ST6GALNAC3: variants seen among roughly 807,000 people sequenced by gnomAD.
The protein encoded by ST6GALNAC3 is alpha-N-acetylgalactosaminide alpha-2,6-sialyltransferase 3.
ST6GALNAC3 carries 25 observed loss-of-function variants against 32.7 expected under a neutral mutation model. That is an observed-to-expected ratio of 0.76 (90% CI 0.56 to 1.07). The LOEUF is 1.07. Ranked by LOEUF, ST6GALNAC3 falls within the 50% of genes least tolerant of loss-of-function variation. The probability of loss-of-function intolerance (pLI) is 0.00; values close to 1 mark genes in which losing one functional copy is unlikely to be tolerated. For missense variants in ST6GALNAC3, 355 were observed against 382.4 expected (o/e 0.93, Z 0.60); for synonymous variants, 129 against 133.1 (o/e 0.97, Z 0.21).
intron 3 of ST6GALNAC3, among the ~76,000 whole-genome samples, chr1:76,547,290 G>A (rs774779111): frequency 9.2e-5 from 14 of 152,142 alleles, no homozygotes; most frequent in African/African-American, 3.4e-4. Flanking sequence ...TTAGCGCCCC[G>A]TGAGGACAGG....
Position 76,462,466 on chromosome 1 carries a change from A to G in ST6GALNAC3, c.623+50049A>G, listed in dbSNP as rs560936146. On this transcript the variant is annotated intron_variant, in intron 3 of 4. Coordinates refer to ENST00000328299, the MANE Select transcript of ST6GALNAC3 (RefSeq NM_152996.4). ...GATCCAAGCCACATACAGCCTTTTAAAAGTGTGAGATCTTACCCATTAGTA... is the reference window on the plus strand; with the variant it reads ...GATCCAAGCCACATACAGCCTTTTAGAAGTGTGAGATCTTACCCATTAGTA... Among the ~76,000 whole-genome samples, 35 of 152,178 alleles carry G rather than the reference A, an allele frequency of 2.3e-4. No individual in the cohort carries two copies. In the South Asian group the frequency reaches 2.9e-3, roughly 13 times the overall value.
intron 2 of ST6GALNAC3, among the ~76,000 whole-genome samples, chr1:76,361,507 G>A (rs1340441492): frequency 2.0e-5 from 3 of 151,998 alleles, no homozygotes; most frequent in Non-Finnish European, 4.4e-5. Context: ...TCCACTTCTT[G>A]ACTATTGTGA....
intron 3 of ST6GALNAC3, among the ~76,000 whole-genome samples, chr1:76,449,122 G>T (rs1657201085): frequency 6.6e-6 from 1 of 152,172 alleles, no homozygotes; most frequent in South Asian, 2.1e-4. Flanking sequence ...CACCTGGCAG[G>T]TATGTCTTTA....
At chr1:76,325,887 T>G (rs984007247) in intron 2 of ST6GALNAC3, among the ~76,000 whole-genome samples, 2 of 151,908 alleles carry the variant, frequency 1.3e-5, no homozygotes, top group Non-Finnish European at 2.9e-5. Context: ...AATTGTTGCT[T>G]GTAGTATTAG....
At chr1:76,582,762 A>T (rs1404906013) in intron 3 of ST6GALNAC3, among the ~76,000 whole-genome samples, 2 of 152,128 alleles carry the variant, frequency 1.3e-5, no homozygotes, top group African/African-American at 2.4e-5. Context: ...GGAACACAGC[A>T]AGTCAGCTTT....
chr1:76,488,735 T>A (rs1000409780), intron 3 of ST6GALNAC3, among the ~76,000 whole-genome samples: 6 of 152,206 alleles, frequency 3.9e-5, no homozygotes, highest in Non-Finnish European at 5.9e-5. Flanking sequence ...GGAACCTGGC[T>A]TCCACTCCCA....
intron 1 of ST6GALNAC3, among the ~76,000 whole-genome samples, chr1:76,215,804 C>T (rs966909979): frequency 6.6e-6 from 1 of 152,152 alleles, no homozygotes; most frequent in African/African-American, 2.4e-5. Context: ...GGGTTCAGTT[C>T]TTCTCTCTGG....
chr1:76,362,448 C>T (rs1050350511), intron 2 of ST6GALNAC3, among the ~76,000 whole-genome samples: 16 of 152,152 alleles, frequency 1.1e-4, no homozygotes, highest in African/African-American at 3.9e-4. Flanking sequence ...AAAAATACAA[C>T]CATCCTGTCT....
At chr1:76,523,287 ATTT>A (rs113136593) in intron 3 of ST6GALNAC3, among the ~76,000 whole-genome samples, 5 of 151,940 alleles carry the variant, frequency 3.3e-5, no homozygotes, top group Middle Eastern at 6.8e-3. Flanking sequence ...CATGTTATTC[ATTT>A]TTTTTATAAT....
At chr1:76,294,016 C>G (rs933212551) in intron 1 of ST6GALNAC3, among the ~76,000 whole-genome samples, 1 of 152,080 alleles carries the variant, frequency 6.6e-6, no homozygotes, top group Non-Finnish European at 1.5e-5. Context: ...ATGTAGACTT[C>G]CTTTGCACTC....
At chr1:76,201,169 C>A (rs2100540343) in intron 1 of ST6GALNAC3, among the ~76,000 whole-genome samples, 1 of 152,250 alleles carries the variant, frequency 6.6e-6, no homozygotes, top group South Asian at 2.1e-4. Flanking sequence ...TCTCTCACTG[C>A]TGATAAAGAC....
chr1:76,375,966 C>T (rs979249594), intron 2 of ST6GALNAC3, among the ~76,000 whole-genome samples: 1 of 152,032 alleles, frequency 6.6e-6, no homozygotes, highest in Non-Finnish European at 1.5e-5. Context: ...TATGAAGAGA[C>T]TATAGACTAA....
At chr1:76,552,508 G>A (rs775671548) in intron 3 of ST6GALNAC3, among the ~76,000 whole-genome samples, 16 of 152,140 alleles carry the variant, frequency 1.1e-4, no homozygotes, top group Non-Finnish European at 2.1e-4. Flanking sequence ...CCTCTAGTCA[G>A]CCATCTTGAA....
intron 3 of ST6GALNAC3, among the ~76,000 whole-genome samples, chr1:76,478,841 T>C (rs893311368): frequency 1.7e-4 from 25 of 148,758 alleles, no homozygotes; most frequent in East Asian, 1.6e-3. Context: ...TGGCTCACTG[T>C]AAGCTCTGCC....
At chr1:76,372,991 C>G (rs1650946907) in intron 2 of ST6GALNAC3, among the ~76,000 whole-genome samples, 1 of 151,936 alleles carries the variant, frequency 6.6e-6, no homozygotes, top group Non-Finnish European at 1.5e-5. Context: ...GAGATAGGGT[C>G]TTGCTATGTT....
intron 1 of ST6GALNAC3, among the ~76,000 whole-genome samples, chr1:76,172,467 A>G (rs1367745345): frequency 6.6e-6 from 1 of 152,000 alleles, no homozygotes; most frequent in Non-Finnish European, 1.5e-5. Flanking sequence ...TGTTCACCAT[A>G]GTATTGGAAG....
chr1:76,404,742 C>CT (rs1557859037), intron 2 of ST6GALNAC3, among the ~76,000 whole-genome samples: 2 of 151,992 alleles, frequency 1.3e-5, no homozygotes, highest in East Asian at 3.9e-4. Context: ...AAGCAAAGAT[C>CT]TTTTTTGTTT....
At chr1:76,393,933 G>A (rs765470343) in intron 2 of ST6GALNAC3, among the ~76,000 whole-genome samples, 2 of 152,130 alleles carry the variant, frequency 1.3e-5, no homozygotes, top group South Asian at 2.1e-4. Flanking sequence ...AGAGTCTAGG[G>A]TATGTGGTTT....
At chr1:76,348,470 G>A (rs1179329688) in intron 2 of ST6GALNAC3, among the ~76,000 whole-genome samples, 1 of 152,124 alleles carries the variant, frequency 6.6e-6, no homozygotes, top group African/African-American at 2.4e-5. Flanking sequence ...CTAATTTAAG[G>A]TTTTCCATGC....
Sources: allele counts gnomAD v4.1 joint callset (sites outside exome capture counted in the v4.1 genomes callset), GRCh38; gene constraint gnomAD v4.1.1; transcripts MANE v1.5; gene names NCBI Gene and HGNC (gene_info 2026-07-23, HGNC 2026-07-21).